Variants in PPFIA2 observed in about 807,000 individuals in gnomAD.
PPFIA2 encodes the protein liprin-alpha-2.
Under a neutral mutation model 175.5 loss-of-function variants are expected in PPFIA2, and 46 were observed. The ratio of observed to expected loss-of-function variants is 0.26; its 90% CI spans 0.21 to 0.34. The LOEUF (loss-of-function observed/expected upper bound fraction) is 0.34, where lower values mean the gene tolerates loss of function less well. Among genes scored for constraint, PPFIA2 ranks in the 10% least tolerant of loss-of-function variants. The pLI is 1.00. For missense variants in PPFIA2, 1,179 were observed against 1,506.1 expected (o/e 0.78, Z 3.60); for synonymous variants, 568 against 511.4 (o/e 1.11, Z -1.49).
At chr12:81,633,558 CA>C (rs1270722606) in intron 4 of PPFIA2, among the ~76,000 whole-genome samples, 2 of 151,718 alleles carry the variant, frequency 1.3e-5, no homozygotes, top group Non-Finnish European at 2.9e-5. Flanking sequence ...AAAAAATACC[CA>C]AAGAGGCAAC....
intron 16 of PPFIA2, among the ~76,000 whole-genome samples, chr12:81,356,964 G>A (rs1286490538): frequency 6.6e-6 from 1 of 152,112 alleles, no homozygotes; most frequent in Non-Finnish European, 1.5e-5. Flanking sequence ...ATTGACCAGT[G>A]TTTTTCAAGC....
intron 4 of PPFIA2, among the ~76,000 whole-genome samples, chr12:81,616,511 T>A (rs1054269835): frequency 6.6e-6 from 1 of 152,176 alleles, no homozygotes; most frequent in Non-Finnish European, 1.5e-5. Context: ...GACACTGAAT[T>A]ATTAAGAACG....
rs747014544 is a variant in PPFIA2, at chr12:81,347,600, T to G, written c.2165A>C (p.His722Pro). 4.3e-6 allele frequency: 7 copies of G among 1,613,624 alleles called. No individual in the cohort carries two copies. Among genetic ancestry groups the G allele is most frequent in the Admixed American group, 1.7e-5 (1 of 59,972 alleles). ...TCGAGGGGTGAGCTTTGGAGTTGAG[T>G]GTCCACTGGGGGGAGATGAACTGGC... ...SLASSSPPSG[H>P]STPKLTPRSP... Residue 722 changes from histidine to proline, a missense_variant, in exon 18 of 33, where the codon CAC becomes CCC. Coordinates refer to ENST00000549396, the MANE Select transcript of PPFIA2 (RefSeq NM_003625.5).
intron 4 of PPFIA2, among the ~76,000 whole-genome samples, chr12:81,658,268 CAAAA>C (rs1318255722): frequency 1.9e-4 from 22 of 114,518 alleles, no homozygotes; most frequent in South Asian, 2.8e-4. Flanking sequence ...AACTCCATCT[CAAAA>C]AAAAAAAAAA....
intron 4 of PPFIA2, among the ~76,000 whole-genome samples, chr12:81,576,882 T>G (rs1231537781): frequency 1.3e-5 from 2 of 151,836 alleles, no homozygotes; most frequent in Non-Finnish European, 2.9e-5. Context: ...TTCAAAATAA[T>G]TTCAAATGCT....
chr12:81,725,103 A>G (rs1241615076), intron 3 of PPFIA2, among the ~76,000 whole-genome samples: 1 of 150,878 alleles, frequency 6.6e-6, no homozygotes, highest in Non-Finnish European at 1.5e-5. Flanking sequence ...TTTTTCATAC[A>G]CATGTTGCAA....
chr12:81,666,496 C>T (rs1055159921), intron 4 of PPFIA2, among the ~76,000 whole-genome samples: 2 of 152,110 alleles, frequency 1.3e-5, no homozygotes, highest in African/African-American at 4.8e-5. Flanking sequence ...TCATTCTCAG[C>T]AAACTATCAC....
chr12:81,720,091 G>C (rs1449203886), intron 3 of PPFIA2, among the ~76,000 whole-genome samples: 1 of 151,374 alleles, frequency 6.6e-6, no homozygotes, highest in Non-Finnish European at 1.5e-5. Flanking sequence ...CCTACCTTAA[G>C]AGGTCAAGTG....
chr12:81,279,968 C>A (rs2041669164), intron 27 of PPFIA2, among the ~76,000 whole-genome samples: 1 of 152,188 alleles, frequency 6.6e-6, no homozygotes, highest in African/African-American at 2.4e-5. Context: ...AATAATTCTT[C>A]TATCACATAA....
At chr12:81,551,492 A>G (rs930792647) in intron 4 of PPFIA2, among the ~76,000 whole-genome samples, 1 of 152,046 alleles carries the variant, frequency 6.6e-6, no homozygotes, top group Non-Finnish European at 1.5e-5. Flanking sequence ...GACTATTTAC[A>G]AAGCACTCAC....
intron 3 of PPFIA2, among the ~76,000 whole-genome samples, chr12:81,683,493 G>T (rs536963583): frequency 1.3e-5 from 2 of 152,020 alleles, no homozygotes; most frequent in South Asian, 4.2e-4. Flanking sequence ...ACCCTAAATG[G>T]TTTCCCAGCA....
intron 9 of PPFIA2, among the ~76,000 whole-genome samples, chr12:81,381,751 G>A (rs1177008013): frequency 6.6e-6 from 1 of 152,098 alleles, no homozygotes; most frequent in Non-Finnish European, 1.5e-5. Flanking sequence ...CATTATCTGT[G>A]CTGCAGTGGA....
At chr12:81,670,083 A>G (rs1671090073) in intron 4 of PPFIA2, among the ~76,000 whole-genome samples, 1 of 151,810 alleles carries the variant, frequency 6.6e-6, no homozygotes, top group Admixed American at 6.6e-5. Flanking sequence ...CTTAACTGAG[A>G]GGGGAAAATA....
At chr12:81,722,102 G>T (rs558086926) in intron 3 of PPFIA2, among the ~76,000 whole-genome samples, 1 of 150,928 alleles carries the variant, frequency 6.6e-6, no homozygotes, top group Non-Finnish European at 1.5e-5. Context: ...AGGGCATTTA[G>T]ATCTAAAATA....
intron 3 of PPFIA2, among the ~76,000 whole-genome samples, chr12:81,711,477 A>G (rs1445763155): frequency 2.6e-5 from 4 of 151,378 alleles, no homozygotes; most frequent in Non-Finnish European, 5.9e-5. Context: ...CTATTTATCT[A>G]TCTATCTATG....
At chr12:81,520,089 G>C (rs1290561883) in intron 4 of PPFIA2, among the ~76,000 whole-genome samples, 1 of 152,166 alleles carries the variant, frequency 6.6e-6, no homozygotes, top group Non-Finnish European at 1.5e-5. Context: ...TGATAAGATG[G>C]AATGAGGTAA....
chr12:81,284,490 G>A, intron 24 of PPFIA2, 187 bp from the exon 25 acceptor site: 1 of 540,064 alleles, frequency 1.9e-6, no homozygotes, highest in African/African-American at 1.9e-5. Flanking sequence ...TACTCAAAAA[G>A]ATTAACTAGA....
intron 4 of PPFIA2, among the ~76,000 whole-genome samples, chr12:81,649,816 A>G (rs1472712305): frequency 6.6e-6 from 1 of 152,176 alleles, no homozygotes; most frequent in East Asian, 1.9e-4. Flanking sequence ...CTTTGATATA[A>G]AATTCCAGAA....
intron 4 of PPFIA2, among the ~76,000 whole-genome samples, chr12:81,637,483 C>T (rs2064260952): frequency 6.6e-6 from 1 of 151,876 alleles, no homozygotes; most frequent in African/African-American, 2.4e-5. Flanking sequence ...TATTTGGATT[C>T]TTCCATACCT....
Sources: gnomAD v4.1 joint callset for allele counts (sites outside exome capture counted in the v4.1 genomes callset) on GRCh38, gnomAD v4.1.1 for gene constraint, MANE v1.5 for transcripts, NCBI Gene and HGNC (gene_info 2026-07-23, HGNC 2026-07-21) for gene names.